Variants in DNAH8 observed in about 807,000 individuals in gnomAD.
DNAH8 encodes the protein dynein axonemal heavy chain 8, also known as axonemal beta dynein heavy chain 8.
In DNAH8, 382 loss-of-function variants were observed where a neutral mutation model predicts 562.1. The observed-to-expected ratio is 0.68, with a 90% CI of 0.63 to 0.74. The LOEUF is 0.74. Ranked by LOEUF, DNAH8 falls within the 30% of genes least tolerant of loss-of-function variation. The pLI is 0.00. For missense variants in DNAH8, 5,203 were observed against 5,620.4 expected (o/e 0.93, Z 2.37); for synonymous variants, 1,881 against 1,919.4 (o/e 0.98, Z 0.52).
Position 38,786,920 on chromosome 6 carries a change from A to G in DNAH8, c.2551A>G (p.Ser851Gly), listed in dbSNP as rs998813558. 1.2e-6 allele frequency: 2 copies of G among 1,609,948 alleles called. No homozygotes were observed. Among genetic ancestry groups the G allele is most frequent in the East Asian group, 2.2e-5 (1 of 44,792 alleles). The change falls in exon 18 of 93, where the codon AGT (serine) becomes GGT (glycine). Residue 851 changes from serine to glycine, a missense_variant. Transcript: ENST00000327475. ...EQAKRLLKLESKLKADKLYLQ... is the reference protein window; with the variant it reads ...EQAKRLLKLEGKLKADKLYLQ... The stretch of plus-strand genomic sequence containing the variant: ...GGCAAAGAGATTGCTAAAATTGGAA[A>G]GTAAATTGAAAGCAGACAAACTGTA...
At chr6:38,785,112 C>A (rs1769019048) in intron 17 of DNAH8, among the ~76,000 whole-genome samples, 1 of 152,154 alleles carries the variant, frequency 6.6e-6, no homozygotes, top group Non-Finnish European at 1.5e-5. Context: ...TTCATACTTT[C>A]AATATGAAGT....
intron 3 of DNAH8, among the ~76,000 whole-genome samples, chr6:38,724,876 T>C (rs1763076909): frequency 6.6e-6 from 1 of 151,326 alleles, no homozygotes; most frequent in African/African-American, 2.4e-5. Flanking sequence ...GGTGAGAGAG[T>C]TGGGGTGAGG....
At position 38,926,225 on chromosome 6, in the gene DNAH8, G is replaced by T. The variant is rs753327456; in HGVS notation, c.11118+15G>T. The T allele has an allele frequency of 6.2e-7, 1 of 1,608,776 alleles. No homozygotes were observed. The highest frequency in any genetic ancestry group is 1.3e-5 in the African/African-American group (1 of 74,670). ...ATGATTTACAGGTATGTAGCATTTG[G>T]TGCAGGGGAAAGTAATCTTGAAATC... is the stretch of plus-strand genomic sequence containing the variant. On this transcript the variant is annotated intron_variant, in intron 74 of 92. Coordinates refer to ENST00000327475, the MANE Select transcript of DNAH8 (RefSeq NM_001206927.2).
chr6:38,927,231 C>T (rs924417226), intron 74 of DNAH8, among the ~76,000 whole-genome samples: 3 of 152,166 alleles, frequency 2.0e-5, no homozygotes, highest in African/African-American at 7.2e-5. Flanking sequence ...ATCAAATTTC[C>T]AGCAAACTGG....
At chr6:38,755,113 C>T (rs1187512756) in intron 9 of DNAH8, among the ~76,000 whole-genome samples, 1 of 152,058 alleles carries the variant, frequency 6.6e-6, no homozygotes, top group Non-Finnish European at 1.5e-5. Flanking sequence ...ACAGGGAGGA[C>T]CCACTGGTGG....
At chr6:38,752,106 T>G (rs1275870481) in intron 9 of DNAH8, among the ~76,000 whole-genome samples, 1 of 152,208 alleles carries the variant, frequency 6.6e-6, no homozygotes, top group Non-Finnish European at 1.5e-5. Context: ...TTTTCCACTT[T>G]ACTATGTTGC....
Position 39,012,273 on chromosome 6 carries a change from A to T in DNAH8, c.13430A>T (p.Gln4477Leu), listed in dbSNP as rs2150772949. 6.2e-7 allele frequency: 1 copy of T among 1,612,854 alleles called. No individual in the cohort carries two copies. Residue 4477 changes from glutamine (Q) to leucine (L), a missense_variant, in exon 90 of 93, where the codon CAA (glutamine) becomes CTA (leucine). Physicochemically the swap from Gln to Leu is moderately radical, Grantham distance 113 (BLOSUM62 -2). Coordinates refer to ENST00000327475, the MANE Select transcript of DNAH8 (RefSeq NM_001206927.2). ...AATTCAATGAACATATTTCTTAGAC[A>T]AGAAATTGACAGAATGCAAAGAGTC... ...HLNSMNIFLR[Q>L]EIDRMQRVIS...
At chr6:38,845,455 C>A in intron 35 of DNAH8, 119 bp from the exon 36 acceptor site, 1 of 686,798 alleles carries the variant, frequency 1.5e-6, no homozygotes, top group Non-Finnish European at 2.5e-6. Context: ...TGTAAAATGA[C>A]TAAATGAACT....
chr6:38,881,774 C>T (rs1778514602), intron 53 of DNAH8, among the ~76,000 whole-genome samples: 1 of 152,132 alleles, frequency 6.6e-6, no homozygotes, highest in Non-Finnish European at 1.5e-5. Flanking sequence ...TGGTCGCGAA[C>T]TTCCAACCTC....
chr6:38,870,756 C>G (rs2150429174), intron 49 of DNAH8, among the ~76,000 whole-genome samples, 194 bp downstream of exon 49: 1 of 152,286 alleles, frequency 6.6e-6, no homozygotes, highest in East Asian at 1.9e-4. Context: ...CCCTGCCTCA[C>G]AGTAATCAAG....
chr6:38,831,297 C>A (rs963992562), intron 30 of DNAH8, among the ~76,000 whole-genome samples: 4 of 151,844 alleles, frequency 2.6e-5, no homozygotes, highest in African/African-American at 9.7e-5. Context: ...TGGCAGCACA[C>A]ACCTGTAGTC....
intron 88 of DNAH8, among the ~76,000 whole-genome samples, chr6:39,005,256 C>T (rs1318244448): frequency 2.6e-5 from 4 of 151,954 alleles, no homozygotes; most frequent in African/African-American, 9.7e-5. Flanking sequence ...TACTAAAGTA[C>T]AAAAAAATTA....
intron 82 of DNAH8, 67 bp from the exon 83 acceptor site, chr6:38,971,525 A>T: frequency 9.7e-7 from 1 of 1,027,432 alleles, no homozygotes; most frequent in Non-Finnish European, 1.4e-6. Flanking sequence ...TTCAGAAATT[A>T]ATTTTTCATT....
intron 88 of DNAH8, among the ~76,000 whole-genome samples, chr6:39,002,943 A>T (rs563929272): frequency 6.6e-6 from 1 of 152,312 alleles, no homozygotes; most frequent in East Asian, 1.9e-4. Context: ...GGATGCAGAT[A>T]GTTCGGGTAT....
chr6:38,755,509 G>A (rs189311095), intron 9 of DNAH8, among the ~76,000 whole-genome samples: 15 of 152,076 alleles, frequency 9.9e-5, no homozygotes, highest in African/African-American at 3.6e-4. Flanking sequence ...GCTAAAACAC[G>A]AACTGAGTTG....
chr6:38,766,247 T>C (rs191934846), intron 11 of DNAH8, among the ~76,000 whole-genome samples: 38 of 152,290 alleles, frequency 2.5e-4, no homozygotes, highest in Admixed American at 1.5e-3. Context: ...CTGAACTTTA[T>C]TTCATTATGC....
At chr6:39,000,115 A>T (rs1335909630) in intron 88 of DNAH8, among the ~76,000 whole-genome samples, 1 of 152,214 alleles carries the variant, frequency 6.6e-6, no homozygotes, top group Admixed American at 6.5e-5. Context: ...AATTCAACAA[A>T]CAAACATTTG....
intron 82 of DNAH8, among the ~76,000 whole-genome samples, chr6:38,960,903 A>G (rs1466719976): frequency 6.6e-6 from 1 of 152,012 alleles, no homozygotes; most frequent in East Asian, 1.9e-4. Flanking sequence ...CTGCAGCACT[A>G]TTCATAAAAG....
chr6:38,862,253 A>G (rs1776694319), intron 43 of DNAH8, 27 bp from the exon 44 acceptor site: 4 of 1,599,118 alleles, frequency 2.5e-6, no homozygotes, highest in African/African-American at 1.3e-5. Flanking sequence ...CCATACTCAC[A>G]ATGCTTTATT....
Sources: allele counts gnomAD v4.1 joint callset (sites outside exome capture counted in the v4.1 genomes callset), GRCh38; gene constraint gnomAD v4.1.1; transcripts MANE v1.5; gene names NCBI Gene and HGNC (gene_info 2026-07-23, HGNC 2026-07-21).